Variants in SH3KBP1 observed in about 807,000 individuals in gnomAD.
The protein encoded by SH3KBP1 is SH3 domain-containing kinase-binding protein 1.
SH3KBP1 carries 8 observed loss-of-function variants against 50.1 expected under a neutral mutation model. That is an observed-to-expected ratio of 0.16 (90% confidence interval 0.09 to 0.29). The LOEUF is 0.29. SH3KBP1 is among the 10% of genes least tolerant of loss of function. The pLI is 1.00. For missense variants in SH3KBP1, 377 were observed against 535.2 expected (o/e 0.70, Z 2.92); for synonymous variants, 227 against 218.6 (o/e 1.04, Z -0.34).
intron 5 of SH3KBP1, among the ~76,000 whole-genome samples, chrX:19,687,237 G>C (rs1324469808): frequency 8.9e-6 from 1 of 112,786 alleles, no homozygotes; most frequent in Admixed American, 9.4e-5. Context: ...CTCAGAGAAA[G>C]CAATAACCAT....
At chrX:19,596,971 T>C (rs1253552808) in intron 9 of SH3KBP1, among the ~76,000 whole-genome samples, 1 of 111,871 alleles carries the variant, frequency 8.9e-6, no homozygotes, top group Non-Finnish European at 1.9e-5. Flanking sequence ...CCTGTTAATG[T>C]TGATATTTTG....
intron 1 of SH3KBP1, among the ~76,000 whole-genome samples, chrX:19,880,338 G>A (rs1219129543): frequency 8.9e-6 from 1 of 112,280 alleles, no homozygotes. Flanking sequence ...GTATTTGGGT[G>A]AAAGGGTTAC....
At chrX:19,764,395 C>A (rs1164778458) in intron 2 of SH3KBP1, among the ~76,000 whole-genome samples, 1 of 111,379 alleles carries the variant, frequency 9.0e-6, no homozygotes, top group Non-Finnish European at 1.9e-5. Flanking sequence ...AAACAGACTG[C>A]CCATCTACCA....
At chrX:19,627,490 G>C (rs1168817914) in intron 8 of SH3KBP1, among the ~76,000 whole-genome samples, 1 of 112,468 alleles carries the variant, frequency 8.9e-6, no homozygotes, top group Admixed American at 9.4e-5. Context: ...TTATTTTTGA[G>C]TGACTGGAAA....
At chrX:19,876,342 C>CA (rs1162924345) in intron 1 of SH3KBP1, among the ~76,000 whole-genome samples, 1 of 111,854 alleles carries the variant, frequency 8.9e-6, no homozygotes, top group Non-Finnish European at 1.9e-5. Flanking sequence ...GGCTGGGCAA[C>CA]AGAGTGAGAC....
At chrX:19,610,661 T>A (rs1412224968) in intron 8 of SH3KBP1, among the ~76,000 whole-genome samples, 1 of 111,703 alleles carries the variant, frequency 9.0e-6, no homozygotes, top group African/African-American at 3.3e-5. Flanking sequence ...CTTAGAGATG[T>A]ATGGGAAAGA....
chrX:19,536,402 T>G lies in SH3KBP1; in HGVS notation c.*15A>C, dbSNP rs761270715. The G allele has an allele frequency of 9.0e-7, 1 of 1,108,107 alleles. No homozygotes were observed. The highest frequency in any genetic ancestry group is 3.1e-5 in the East Asian group (1 of 32,476). The allele number at this position is 1,108,107 out of a possible 1,213,427, so 91.3% of individuals were successfully genotyped here. A position where few individuals can be genotyped will look rare whatever the true frequency, so the allele number is the denominator to read the frequency against. ...GACTCAGGATGAATAATGTGACATT[T>G]CATTGATCAAGTATTCATTTTGATT... is the stretch of plus-strand genomic sequence containing the variant. On this transcript the variant is annotated 3_prime_UTR_variant, in exon 18 of 18. Transcript: ENST00000397821.
chrX:19,775,976 A>T (rs947462814), intron 2 of SH3KBP1, among the ~76,000 whole-genome samples: 9 of 111,173 alleles, frequency 8.1e-5, no homozygotes, highest in African/African-American at 2.9e-4. Context: ...AATTGCCAAG[A>T]ATAAGATGTT....
chrX:19,834,174 G>A (rs2067993875), intron 2 of SH3KBP1, among the ~76,000 whole-genome samples: 1 of 112,301 alleles, frequency 8.9e-6, no homozygotes, highest in South Asian at 3.7e-4. Flanking sequence ...TTTCGACTCT[G>A]AAAGGGTAGT....
rs1050989532 is a variant in SH3KBP1 at position 19,588,912 on chromosome X, T to C, written c.1139-110A>G. 4 of 704,137 alleles carry C rather than the reference T, an allele frequency of 5.7e-6. No homozygotes were observed. In the Admixed American group the frequency reaches 1.1e-4, roughly 19 times the overall value. 58.0% of individuals were successfully genotyped at this position (704,137 alleles called of 1,213,427 possible). A position where few individuals can be genotyped will look rare whatever the true frequency, so the allele number is the denominator to read the frequency against. Reference sequence around the variant, plus strand: ...AAAAAAAAATTACTGATGCTATTTCTGAAGGTGATCATGGAAGGCCAAGAG... The same window carrying C: ...AAAAAAAAATTACTGATGCTATTTCCGAAGGTGATCATGGAAGGCCAAGAG... On this transcript the variant is annotated intron_variant, in intron 11 of 17. Coordinates refer to ENST00000397821, the MANE Select transcript of SH3KBP1 (RefSeq NM_031892.3).
chrX:19,783,753 A>C (rs1286807352), intron 2 of SH3KBP1, among the ~76,000 whole-genome samples: 1 of 112,102 alleles, frequency 8.9e-6, no homozygotes, highest in African/African-American at 3.2e-5. Context: ...ATAAAAAAAA[A>C]CTTAAACACA....
chrX:19,767,572 T>A lies in SH3KBP1; in HGVS notation c.163-21131A>T, dbSNP rs895443930. On this transcript the variant is annotated intron_variant, in intron 2 of 17. Transcript: ENST00000397821. The stretch of plus-strand genomic sequence containing the variant: ...TTTGTCCTGAAAGCTTAAAAATAGA[T>A]CCAAAAGTTTAGCACCAGCCCTGTC... Among the ~76,000 whole-genome samples the A allele has an allele frequency of 4.4e-4, 49 of 110,703 alleles. No homozygotes were observed. The Middle Eastern group carries it at 0.014, about 32-fold the overall frequency.
intron 15 of SH3KBP1, 27 bp downstream of exon 15, chrX:19,545,895 A>T: frequency 8.3e-7 from 1 of 1,207,632 alleles, no homozygotes; most frequent in Non-Finnish European, 1.1e-6. Flanking sequence ...AATGACAGGG[A>T]CACCCTCGCC....
chrX:19,545,960 C>G lies in SH3KBP1; in HGVS notation c.1585G>C (p.Ala529Pro), dbSNP rs376095143. The G allele has an allele frequency of 8.3e-7, 1 of 1,209,241 alleles. No homozygotes were observed. Among genetic ancestry groups the G allele is most frequent in the Admixed American group, 2.2e-5 (1 of 45,715 alleles). ...HISLAHRGVD[A>P]SKKTSKTVTI... ...ACAGTCTTGGAAGTTTTCTTTGACG[C>G]GTCCACTCCTCTGTGCGCAAGTGAA... The change falls in exon 15 of 18, where the codon GCG becomes CCG. Residue 529 changes from alanine (A) to proline (P), a missense_variant. Around this residue, in one of 3 missense-constraint regions of SH3KBP1, gnomAD observed 110 missense variants for 124.1 expected, o/e 0.89. Coordinates refer to ENST00000397821, the MANE Select transcript of SH3KBP1 (RefSeq NM_031892.3).
intron 5 of SH3KBP1, among the ~76,000 whole-genome samples, chrX:19,692,877 C>G (rs1369882097): frequency 2.8e-5 from 3 of 107,678 alleles, no homozygotes; most frequent in Non-Finnish European, 5.8e-5. Flanking sequence ...TTAGTAGAGA[C>G]AGGGTTTCAC....
Position 19,643,300 on chromosome X carries a change from A to ATTTTTT in SH3KBP1, c.802+2094_802+2099dup, listed in dbSNP as rs201544483. ...AGTGTGTGTGGGCTGAAACTGAAGA[A>ATTTTTT]TTTTTTATTTTTTTTTTTTTTATTT... On this transcript the variant is annotated intron_variant, in intron 7 of 17. Transcript: ENST00000397821. Among the ~76,000 whole-genome samples, 485 of 86,822 alleles carry ATTTTTT rather than the reference A, an allele frequency of 5.6e-3. 51 individuals are homozygous for ATTTTTT. The highest frequency in any genetic ancestry group is 6.6e-3 in the Non-Finnish European group (313 of 47,486). The allele number at this position is 86,822 out of a possible 115,157, so 75.4% of individuals were successfully genotyped here.
At chrX:19,610,066 C>T (rs2067365092) in intron 8 of SH3KBP1, among the ~76,000 whole-genome samples, 1 of 111,514 alleles carries the variant, frequency 9.0e-6, no homozygotes, top group African/African-American at 3.3e-5. Context: ...GGAAATCAGT[C>T]CTTAGTCACA....
chrX:19,747,235 A>G (rs1243226889), intron 2 of SH3KBP1, among the ~76,000 whole-genome samples: 1 of 112,430 alleles, frequency 8.9e-6, no homozygotes, highest in East Asian at 2.8e-4. Context: ...CTGATGGCTA[A>G]TATAATTATT....
chrX:19,836,504 T>C (rs990749481), intron 1 of SH3KBP1, among the ~76,000 whole-genome samples: 6 of 111,791 alleles, frequency 5.4e-5, no homozygotes, highest in Non-Finnish European at 7.5e-5. Context: ...CAGGGTGGCC[T>C]ACAGGTCTTG....
Sources: gnomAD v4.1 joint callset for allele counts (sites outside exome capture counted in the v4.1 genomes callset) on GRCh38, gnomAD v4.1.1 for gene constraint, gnomAD v4.1.1 regional missense constraint, MANE v1.5 for transcripts, NCBI Gene and HGNC (gene_info 2026-07-23, HGNC 2026-07-21) for gene names.